The following NAA11 variants were observed in gnomAD, a reference collection of about 807,000 sequenced individuals.
NAA11 encodes N-alpha-acetyltransferase 11, NatA catalytic subunit.
NAA11 carries 15 observed loss-of-function variants against 16.1 expected under a neutral mutation model. That is an observed-to-expected ratio of 0.93 (90% confidence interval 0.62 to 1.44). The LOEUF (loss-of-function observed/expected upper bound fraction) is 1.44, where lower values mean the gene tolerates loss of function less well. Ranked by LOEUF, NAA11 falls within the 40% of genes most tolerant of loss-of-function variation. NAA11 has a pLI of 0.00. For missense variants in NAA11, 298 were observed against 291.3 expected (o/e 1.02, Z -0.17); for synonymous variants, 122 against 112.4 (o/e 1.09, Z -0.54).
At chr4:79,303,075 T>TC (rs1560462932) in intron 1 of NAA11, among the ~76,000 whole-genome samples, 1 of 84,696 alleles carries the variant, frequency 1.2e-5, no homozygotes, top group African/African-American at 6.2e-5. Context: ...CTTGAGGCCT[T>TC]TTATATATAT....
At chr4:79,325,036 T>G in intron 1 of NAA11, 140 bp downstream of exon 1, 2 of 683,880 alleles carry the variant, frequency 2.9e-6, no homozygotes, top group South Asian at 4.2e-5. Flanking sequence ...CACTCTAACT[T>G]CTCCCTAAGG....
chr4:79,286,615 G>A (rs758417233), intron 2 of NAA11, among the ~76,000 whole-genome samples: 7 of 151,988 alleles, frequency 4.6e-5, no homozygotes, highest in East Asian at 3.8e-4. Context: ...GCTGTGACTC[G>A]CTCAAATAAC....
chr4:79,315,076 C>T (rs1418300089), downstream of NAA11, among the ~76,000 whole-genome samples: 1 of 151,692 alleles, frequency 6.6e-6, no homozygotes, highest in African/African-American at 2.4e-5. Context: ...GACCCCAGTC[C>T]AAGGGTTGGA....
the NAA11 span, among the ~76,000 whole-genome samples, chr4:79,201,795 C>A: frequency 6.6e-6 from 1 of 151,500 alleles, no homozygotes; most frequent in Non-Finnish European, 1.5e-5. Flanking sequence ...ATTTTTAAAG[C>A]AAATAGCTAT....
intron 1 of NAA11, among the ~76,000 whole-genome samples, chr4:79,311,010 T>C (rs1413446511): frequency 2.0e-5 from 3 of 150,634 alleles, no homozygotes; most frequent in Non-Finnish European, 4.4e-5. Flanking sequence ...CCAGCGCTAT[T>C]TGACTTAAGA....
chr4:79,225,777 C>A (rs1721296531), exon 3 of NAA11: 1 of 151,994 alleles, frequency 6.6e-6, no homozygotes, highest in Admixed American at 6.6e-5. Context: ...TCCAAATCTG[C>A]AGGGGAATAA....
At chr4:79,158,211 A>G in the NAA11 span, among the ~76,000 whole-genome samples, 11 of 152,104 alleles carry the variant, frequency 7.2e-5, no homozygotes, top group South Asian at 2.3e-3. Context: ...TATGATGATA[A>G]GATCTTATGC....
At chr4:79,278,190 T>C (rs1722706567) in intron 2 of NAA11, among the ~76,000 whole-genome samples, 1 of 152,104 alleles carries the variant, frequency 6.6e-6, no homozygotes, top group African/African-American at 2.4e-5. Flanking sequence ...TCCCTTGTTG[T>C]CTTCTACTTT....
intron 2 of NAA11, among the ~76,000 whole-genome samples, chr4:79,237,724 G>A (rs544961233): frequency 2.6e-5 from 4 of 152,204 alleles, no homozygotes; most frequent in East Asian, 1.9e-4. Flanking sequence ...AAACATTGAC[G>A]AAAAGCTGTT....
At chr4:79,324,261 G>A (rs528342419) in intron 1 of NAA11, among the ~76,000 whole-genome samples, 144 of 152,096 alleles carry the variant, frequency 9.5e-4, no homozygotes, top group African/African-American at 3.3e-3. Context: ...TAACAGATAA[G>A]GACTTTCTAA....
chr4:79,162,057 CTT>C, the NAA11 span, among the ~76,000 whole-genome samples: 1 of 152,140 alleles, frequency 6.6e-6, no homozygotes, highest in Admixed American at 6.5e-5. Flanking sequence ...CTTTGAGAAA[CTT>C]ATTTCTAAAT....
chr4:79,235,341 T>C (rs941446687), intron 2 of NAA11, among the ~76,000 whole-genome samples: 1 of 152,058 alleles, frequency 6.6e-6, no homozygotes, highest in Admixed American at 6.6e-5. Flanking sequence ...GCTAACAGGC[T>C]TTATCGACAG....
chr4:79,286,845 T>A (rs1383774465), intron 2 of NAA11, among the ~76,000 whole-genome samples: 1 of 152,096 alleles, frequency 6.6e-6, no homozygotes. Flanking sequence ...CAGCCATTTG[T>A]TACTTTTCTT....
the NAA11 span, among the ~76,000 whole-genome samples, chr4:79,181,542 G>A: frequency 6.6e-6 from 1 of 152,138 alleles, no homozygotes; most frequent in Non-Finnish European, 1.5e-5. Flanking sequence ...ACAGTGAACG[G>A]GAAGGAGACT....
chr4:79,325,569 G>A lies in NAA11; in HGVS notation c.309C>T (p.Asn103=), dbSNP rs764751693. The change falls in exon 1 of 2, where the codon AAC becomes AAT. Residue 103 remains asparagine, a synonymous_variant. Coordinates refer to ENST00000286794, the MANE Select transcript of NAA11 (RefSeq NM_032693.3). ...QASRAMIENF[N]AKYVSLHVRK... is the part of the protein sequence containing the mutation. ...TGACGTGCAGAGACACGTATTTGGC[G>A]TTAAAGTTCTCTATCATGGCCCTGG... 1.9e-6 allele frequency: 3 copies of A among 1,614,104 alleles called. No individual in the cohort carries two copies. Among genetic ancestry groups the A allele is most frequent in the East Asian group, 2.2e-5 (1 of 44,876 alleles).
the NAA11 span, among the ~76,000 whole-genome samples, chr4:79,188,390 C>T: frequency 6.6e-6 from 1 of 152,154 alleles, no homozygotes; most frequent in South Asian, 2.1e-4. Flanking sequence ...TCGAGACCAT[C>T]CTGGCTAACG....
downstream of NAA11, among the ~76,000 whole-genome samples, chr4:79,222,160 C>T (rs796077112): frequency 3.9e-5 from 6 of 151,982 alleles, no homozygotes; most frequent in East Asian, 1.9e-4. Flanking sequence ...AGTTTATTTG[C>T]GTAGAGGTGT....
chr4:79,173,388 C>T, the NAA11 span, among the ~76,000 whole-genome samples: 1 of 152,078 alleles, frequency 6.6e-6, no homozygotes, highest in Non-Finnish European at 1.5e-5. Context: ...GATGGAAAAA[C>T]ACACAGGAGG....
At position 79,321,006 on chromosome 4, in the gene NAA11, T is replaced by G. The variant is rs114792411; in HGVS notation, c.*13-3215A>C. 8.8e-3 allele frequency among the ~76,000 whole-genome samples: 1,344 copies of G among 152,346 alleles called. 21 individuals are homozygous for G. Among genetic ancestry groups the G allele is most frequent in the African/African-American group, 0.031 (1,298 of 41,564 alleles). On this transcript the variant is annotated intron_variant, in intron 1 of 1. Transcript: ENST00000286794. ...ATGCAAGTGAAGATTTAGACAGTTT[T>G]GGGGACTTCAGAGGAGAGGGGTCAT...
Sources: allele counts gnomAD v4.1 joint callset (sites outside exome capture counted in the v4.1 genomes callset), GRCh38; gene constraint gnomAD v4.1.1; transcripts MANE v1.5; gene names NCBI Gene and HGNC (gene_info 2026-07-23, HGNC 2026-07-21).